UBOX5: variants seen among roughly 807,000 people sequenced by gnomAD.
UBOX5 encodes RING finger protein 37.
UBOX5 carries 28 observed loss-of-function variants against 39.0 expected under a neutral mutation model. The ratio of observed to expected loss-of-function variants is 0.72; its 90% CI spans 0.53 to 0.98. The LOEUF (loss-of-function observed/expected upper bound fraction) is 0.98. Ranked by LOEUF, UBOX5 falls within the 50% of genes least tolerant of loss-of-function variation. The pLI, the probability that UBOX5 is intolerant of heterozygous loss-of-function variation, is 0.00. For missense variants in UBOX5, 585 were observed against 674.4 expected (o/e 0.87, Z 1.47); for synonymous variants, 283 against 275.5 (o/e 1.03, Z -0.27).
At chr20:3,157,550 T>C (rs1010189666) in intron 1 of UBOX5, among the ~76,000 whole-genome samples, 2 of 152,214 alleles carry the variant, frequency 1.3e-5, no homozygotes, top group Admixed American at 6.5e-5. Flanking sequence ...TGGGTAGATA[T>C]AGTATGACTA....
Position 3,121,491 on chromosome 20 carries a change from C to T in UBOX5, c.1148G>A (p.Cys383Tyr). 2 of 1,614,100 alleles carry T rather than the reference C, an allele frequency of 1.2e-6. No homozygotes were observed. The highest frequency in any genetic ancestry group is 1.6e-4 in the Middle Eastern group (1 of 6,062). Residue 383 changes from cysteine to tyrosine, a missense_variant, in exon 3 of 5, where the codon TGT (cysteine) becomes TAT (tyrosine). Coordinates refer to ENST00000217173, the MANE Select transcript of UBOX5 (RefSeq NM_014948.4). ...GACCAAAGGGCTTGTGGCAGAAAAA[C>T]AGGAAGCATTTACACCAAAGTTACT... is the stretch of plus-strand genomic sequence containing the variant. ...PDSNFGVNAS[C>Y]FSATSPLVLP...
intron 1 of UBOX5, among the ~76,000 whole-genome samples, chr20:3,134,457 A>G (rs2066453334): frequency 1.3e-5 from 2 of 151,050 alleles, no homozygotes; most frequent in African/African-American, 2.4e-5. Flanking sequence ...AACAGTGATT[A>G]TATAATAGAA....
chr20:3,110,008 G>A lies in UBOX5; in HGVS notation c.*98C>T. The A allele has an allele frequency of 7.0e-7, 1 of 1,430,478 alleles. No individual in the cohort carries two copies. 88.6% of individuals were successfully genotyped at this position (1,430,478 alleles called of 1,614,324 possible). ...CCCGGGAGGGAGCAGGCAGCTCTGT[G>A]CCTGGGGCCTGGCCAGACCTCAGGG... On this transcript the variant is annotated 3_prime_UTR_variant, in exon 5 of 5. Coordinates refer to ENST00000217173, the MANE Select transcript of UBOX5 (RefSeq NM_014948.4).
In UBOX5 at chr20:3,115,290, C is replaced by G. The variant is rs369071473; in HGVS notation, c.1417+15G>C. The G allele has an allele frequency of 1.2e-6, 2 of 1,603,630 alleles. No individual in the cohort carries two copies. Among genetic ancestry groups the G allele is most frequent in the African/African-American group, 1.3e-5 (1 of 74,592 alleles). On this transcript the variant is annotated intron_variant, in intron 4 of 4. Transcript: ENST00000217173. ...CCATTCCAAGGCTCCAAGGAGATGGCGGGGCCCATGTTACCCGAGCCGGTG... is the reference window on the plus strand; with the variant it reads ...CCATTCCAAGGCTCCAAGGAGATGGGGGGGCCCATGTTACCCGAGCCGGTG...
At chr20:3,146,530 T>C (rs113871721) in intron 1 of UBOX5, 1 of 446,626 alleles carries the variant, frequency 2.2e-6, no homozygotes, top group Non-Finnish European at 3.9e-6. Flanking sequence ...TACTTGACCG[T>C]AGGACATATT....
intron 1 of UBOX5, among the ~76,000 whole-genome samples, chr20:3,159,479 T>G (rs1017488534): frequency 1.3e-5 from 2 of 152,176 alleles, no homozygotes; most frequent in Admixed American, 1.3e-4. Flanking sequence ...AACAGCACCG[T>G]GAGACAAGTA....
intron 1 of UBOX5, among the ~76,000 whole-genome samples, chr20:3,141,941 AT>A (rs2066520211): frequency 6.6e-6 from 1 of 151,770 alleles, no homozygotes; most frequent in Non-Finnish European, 1.5e-5. Flanking sequence ...TGAACCTGGG[AT>A]TTTGAGGCTG....
intron 1 of UBOX5, among the ~76,000 whole-genome samples, chr20:3,140,663 C>A (rs2066510296): frequency 6.6e-6 from 1 of 151,980 alleles, no homozygotes; most frequent in Non-Finnish European, 1.5e-5. Context: ...ACTCCTCCCA[C>A]AAAAAACCAC....
chr20:3,129,258 AGCTTCTCTT>A (rs1406304700), intron 1 of UBOX5, among the ~76,000 whole-genome samples: 1 of 152,176 alleles, frequency 6.6e-6, no homozygotes, highest in Non-Finnish European at 1.5e-5. Flanking sequence ...TGGTCCAAGT[AGCTTCTCTT>A]GCCTCTTGTC....
chr20:3,127,442 T>G (rs368712614), intron 1 of UBOX5, among the ~76,000 whole-genome samples: 1 of 152,232 alleles, frequency 6.6e-6, no homozygotes, highest in Non-Finnish European at 1.5e-5. Flanking sequence ...TTTTACATAT[T>G]AACACAAAGT....
chr20:3,113,346 A>C (rs2066269326), intron 4 of UBOX5, among the ~76,000 whole-genome samples: 1 of 150,916 alleles, frequency 6.6e-6, no homozygotes, highest in Non-Finnish European at 1.5e-5. Flanking sequence ...TTCAGATAAG[A>C]CTGCAGAGGA....
At chr20:3,154,698 G>A (rs1463479085) in intron 1 of UBOX5, among the ~76,000 whole-genome samples, 1 of 152,054 alleles carries the variant, frequency 6.6e-6, no homozygotes, top group Non-Finnish European at 1.5e-5. Flanking sequence ...TAAATAAAAA[G>A]AGTAAAGAAA....
chr20:3,138,246 C>T (rs957484404), intron 1 of UBOX5, among the ~76,000 whole-genome samples: 2 of 149,722 alleles, frequency 1.3e-5, no homozygotes, highest in African/African-American at 2.5e-5. Flanking sequence ...GCACTCCATC[C>T]AGCCTGGGCG....
At chr20:3,114,862 A>G (rs1280973530) in intron 4 of UBOX5, among the ~76,000 whole-genome samples, 1 of 152,038 alleles carries the variant, frequency 6.6e-6, no homozygotes, top group African/African-American at 2.4e-5. Context: ...GCAGGAGAAT[A>G]GCTTGAATCC....
intron 4 of UBOX5, chr20:3,110,718 G>A (rs2066246993): frequency 3.8e-6 from 1 of 262,172 alleles, no homozygotes; most frequent in Non-Finnish European, 7.5e-6. Flanking sequence ...GAAAAGGCAG[G>A]TCAGTGGGGT....
At chr20:3,114,843 G>A (rs1271574973) in intron 4 of UBOX5, among the ~76,000 whole-genome samples, 1 of 152,132 alleles carries the variant, frequency 6.6e-6, no homozygotes, top group Non-Finnish European at 1.5e-5. Flanking sequence ...AGCTACTCAG[G>A]AGGCTGAGGC....
intron 1 of UBOX5, among the ~76,000 whole-genome samples, chr20:3,137,580 C>T (rs2066482413): frequency 6.6e-6 from 1 of 152,180 alleles, no homozygotes; most frequent in African/African-American, 2.4e-5. Flanking sequence ...TAACATCTTG[C>T]ATAGCTATAC....
chr20:3,134,120 A>C (rs1055514383), intron 1 of UBOX5, among the ~76,000 whole-genome samples: 2 of 152,084 alleles, frequency 1.3e-5, no homozygotes, highest in African/African-American at 4.8e-5. Context: ...ATATATATAT[A>C]AACTACATAT....
rs746997118 is a variant in UBOX5, at chr20:3,144,447, T to C, written c.-42+15319A>G. On this transcript the variant is annotated intron_variant, in intron 1 of 4. Transcript: ENST00000217173. ...GATATCCACATGCAAAAGAATGAAG[T>C]TGGACTGTTCCCTCATGCTACATAT... Among the ~76,000 whole-genome samples the C allele has an allele frequency of 7.2e-5, 11 of 152,110 alleles. 1 individual carries two copies. The highest frequency in any genetic ancestry group is 8.8e-5 in the Non-Finnish European group (6 of 68,038).
Sources: allele counts gnomAD v4.1 joint callset (sites outside exome capture counted in the v4.1 genomes callset), GRCh38; gene constraint gnomAD v4.1.1; transcripts MANE v1.5; gene names NCBI Gene and HGNC (gene_info 2026-07-23, HGNC 2026-07-21).